The following GALNT13 variants were observed in gnomAD, a reference collection of about 807,000 sequenced individuals.
GALNT13 encodes polypeptide N-acetylgalactosaminyltransferase 13.
GALNT13 carries 28 observed loss-of-function variants against 64.2 expected under a neutral mutation model. The ratio of observed to expected loss-of-function variants is 0.44; its 90% CI spans 0.32 to 0.60. The LOEUF is 0.60. GALNT13 is among the 20% of genes least tolerant of loss of function. The pLI is 0.05. For missense variants in GALNT13, 577 were observed against 669.8 expected, an observed-to-expected ratio of 0.86 and a Z score of 1.53; for synonymous variants, 214 against 224.6, an observed-to-expected ratio of 0.95 and a Z score of 0.42.
intron 3 of GALNT13, among the ~76,000 whole-genome samples, chr2:154,020,507 A>G (rs1462490579): frequency 1.3e-5 from 2 of 152,144 alleles, no homozygotes; most frequent in Non-Finnish European, 2.9e-5. Context: ...TCTTTTGAGA[A>G]GTGTCTGTTC....
intron 4 of GALNT13, among the ~76,000 whole-genome samples, chr2:154,200,153 A>G (rs1687095228): frequency 6.6e-6 from 1 of 152,076 alleles, no homozygotes; most frequent in Non-Finnish European, 1.5e-5. Context: ...AGTCATGAAG[A>G]TATATTGGGT....
the GALNT13 span, chr2:153,421,670 C>T: frequency 3.5e-6 from 1 of 285,436 alleles, no homozygotes; most frequent in East Asian, 9.3e-5. Flanking sequence ...TAGTTATGGG[C>T]AGCGTCTTCC....
chr2:153,356,789 C>CTTTTTTTTTTTTTTTTTTTTTTTTTTTTT, the GALNT13 span, among the ~76,000 whole-genome samples: 2 of 104,904 alleles, frequency 1.9e-5, 1 homozygote. Flanking sequence ...TCTTCTTCCT[C>CTTTTTTTTTTTTTTTTTTTTTTTTTTTTT]TTTTTTTTTT....
chr2:153,127,484 C>T, the GALNT13 span, among the ~76,000 whole-genome samples: 1 of 152,186 alleles, frequency 6.6e-6, no homozygotes, highest in Non-Finnish European at 1.5e-5. Context: ...ACTTCTCCCT[C>T]CCACCACATG....
chr2:153,389,403 T>C, the GALNT13 span, among the ~76,000 whole-genome samples: 1 of 151,950 alleles, frequency 6.6e-6, no homozygotes, highest in Non-Finnish European at 1.5e-5. Context: ...ACGGAAAGCT[T>C]GTAAGAGGTA....
intron 9 of GALNT13, among the ~76,000 whole-genome samples, chr2:154,320,517 T>C (rs1378906331): frequency 1.3e-5 from 2 of 152,196 alleles, no homozygotes; most frequent in African/African-American, 2.4e-5. Context: ...TACATTGTGC[T>C]CACAGAAGTC....
At chr2:153,519,739 G>T in the GALNT13 span, among the ~76,000 whole-genome samples, 3 of 152,050 alleles carry the variant, frequency 2.0e-5, no homozygotes, top group Admixed American at 6.5e-5. Flanking sequence ...ATTACAAATA[G>T]AATCCCCCTG....
At chr2:153,129,665 CA>C in the GALNT13 span, among the ~76,000 whole-genome samples, 2 of 151,962 alleles carry the variant, frequency 1.3e-5, no homozygotes, top group East Asian at 3.9e-4. Flanking sequence ...CCCAGCTACT[CA>C]GGGGGCTGAG....
At chr2:153,498,993 G>T in the GALNT13 span, among the ~76,000 whole-genome samples, 1 of 152,070 alleles carries the variant, frequency 6.6e-6, no homozygotes, top group Non-Finnish European at 1.5e-5. Flanking sequence ...GACCACAGGC[G>T]CCCGCCACCA....
In GALNT13 at chr2:154,340,899, A is replaced by AGT. The variant is rs57448184; in HGVS notation, c.1156+39332_1156+39333dup. Among the ~76,000 whole-genome samples, 1,312 of 149,298 alleles carry AGT rather than the reference A, an allele frequency of 8.8e-3. 11 individuals are homozygous for AGT. Among genetic ancestry groups the AGT allele is most frequent in the Middle Eastern group, 0.017 (5 of 290 alleles). ...GATATCTTTGTTCTTTGTGTGTATGAGTGTGTGTGTGTGTGTGTGTGTGCC... is the reference window on the plus strand; with the variant it reads ...GATATCTTTGTTCTTTGTGTGTATGAGTGTGTGTGTGTGTGTGTGTGTGTGCC... On this transcript the variant is annotated intron_variant, in intron 9 of 12. Transcript: ENST00000392825.
At chr2:153,803,519 C>T in the GALNT13 span, among the ~76,000 whole-genome samples, 3 of 151,884 alleles carry the variant, frequency 2.0e-5, no homozygotes, top group Non-Finnish European at 2.9e-5. Flanking sequence ...GGTGAAACCC[C>T]GTCTCTACTA....
chr2:154,074,578 T>C (rs1700892767), intron 3 of GALNT13, among the ~76,000 whole-genome samples: 1 of 151,842 alleles, frequency 6.6e-6, no homozygotes, highest in Non-Finnish European at 1.5e-5. Context: ...CCCTGACTAA[T>C]TCATTCTATG....
chr2:153,624,269 A>G, the GALNT13 span, among the ~76,000 whole-genome samples: 4 of 152,184 alleles, frequency 2.6e-5, no homozygotes, highest in African/African-American at 9.6e-5. Context: ...CTAGGAGCCT[A>G]TTTCTGTGTG....
At chr2:153,959,232 A>G (rs1310439436) in intron 3 of GALNT13, among the ~76,000 whole-genome samples, 1 of 152,180 alleles carries the variant, frequency 6.6e-6, no homozygotes, top group Non-Finnish European at 1.5e-5. Flanking sequence ...CTGAGTGTCA[A>G]CCAATGAGGG....
chr2:153,311,231 A>C, the GALNT13 span, among the ~76,000 whole-genome samples: 4 of 152,228 alleles, frequency 2.6e-5, no homozygotes, highest in Admixed American at 6.5e-5. Flanking sequence ...GGAACAATTT[A>C]TGTTTTAATT....
chr2:154,301,409 A>G lies in GALNT13; in HGVS notation c.976A>G (p.Ile326Val), dbSNP rs1367460043. The change falls in exon 9 of 13, where the codon ATT becomes GTT. Residue 326 changes from isoleucine to valine, a missense_variant and splice_region_variant. Transcript: ENST00000392825. ...TTACAATGATTGTTCCTTTTCCCAG[A>G]TTTGGCAATGTGGAGGCTCCTTGGA... ...GGENLEMSFR[I>V]WQCGGSLEIV... 6.2e-7 allele frequency: 1 copy of G among 1,610,938 alleles called. No homozygotes were observed. Among genetic ancestry groups the G allele is most frequent in the Non-Finnish European group, 8.5e-7 (1 of 1,177,960 alleles).
chr2:153,976,958 C>G (rs911098355), intron 3 of GALNT13, among the ~76,000 whole-genome samples: 4 of 152,012 alleles, frequency 2.6e-5, no homozygotes, highest in Non-Finnish European at 4.4e-5. Flanking sequence ...TGCACTATAC[C>G]TCCTCTAATA....
At chr2:154,254,199 G>GT (rs1288223896) in intron 7 of GALNT13, among the ~76,000 whole-genome samples, 2 of 152,174 alleles carry the variant, frequency 1.3e-5, no homozygotes, top group African/African-American at 4.8e-5. Flanking sequence ...GCACAAAAAT[G>GT]TAAAGCATTT....
chr2:153,822,775 G>C, the GALNT13 span, among the ~76,000 whole-genome samples: 1 of 152,088 alleles, frequency 6.6e-6, no homozygotes, highest in Non-Finnish European at 1.5e-5. Flanking sequence ...TCTTAGCCAA[G>C]CAACCAGGCA....
Sources: gnomAD v4.1 joint callset for allele counts (sites outside exome capture counted in the v4.1 genomes callset) on GRCh38, gnomAD v4.1.1 for gene constraint, MANE v1.5 for transcripts, NCBI Gene and HGNC (gene_info 2026-07-23, HGNC 2026-07-21) for gene names.